The following IGLON5 variants were observed in gnomAD, a reference collection of about 807,000 sequenced individuals.
IGLON5 encodes Ig-like domain-containing protein ENSP00000270642.
A neutral mutation model predicts 38.2 loss-of-function variants in IGLON5; 16 were observed. The ratio of observed to expected loss-of-function variants is 0.42; its 90% CI spans 0.28 to 0.64. The LOEUF is 0.64. IGLON5 is among the 30% of genes least tolerant of loss of function. The pLI, the probability that IGLON5 is intolerant of heterozygous loss-of-function variation, is 0.23. For missense variants in IGLON5, 366 were observed against 483.4 expected, an observed-to-expected ratio of 0.76 and a Z score of 2.28; for synonymous variants, 207 against 216.4, an observed-to-expected ratio of 0.96 and a Z score of 0.38.
At chr19:51,311,969 G>T (rs1486086570) in intron 1 of IGLON5, 43 bp downstream of exon 1, 1 of 1,117,188 alleles carries the variant, frequency 9.0e-7, no homozygotes, top group South Asian at 2.6e-5. Context: ...GGGACGCCAG[G>T]GTCTTGGGTG....
At position 51,323,723 on chromosome 19, in the gene IGLON5, GC is replaced by G; in HGVS notation, c.222del (p.Gly75AlafsTer62). ...AWLNRSNILY[A>X]GNDRWTSDPR... ...GCTGAACCGCTCCAACATCCTGTAT[GC>G]CGGCAATGACCGCTGGACCAGCGAC... is the stretch of plus-strand genomic sequence containing the variant. On this transcript the variant is annotated frameshift_variant, in exon 3 of 8. Transcript: ENST00000270642. LOFTEE classifies it high-confidence loss of function. The G allele has an allele frequency of 1.9e-6, 3 of 1,613,976 alleles. No homozygotes were observed. The highest frequency in any genetic ancestry group is 2.5e-6 in the Non-Finnish European group (3 of 1,179,882).
Position 51,325,230 on chromosome 19 carries a change from T to A in IGLON5, c.392-116T>A. 6.9e-7 allele frequency: 1 copy of A among 1,446,686 alleles called. No homozygotes were observed. The allele number at this position is 1,446,686 out of a possible 1,614,324, so 89.6% of individuals were successfully genotyped here. On this transcript the variant is annotated intron_variant, in intron 3 of 7. Coordinates refer to ENST00000270642, the MANE Select transcript of IGLON5 (RefSeq NM_001101372.3). This position sits in a 1 kb window ranked among gnomAD's most constrained non-coding sequence, Gnocchi z 5.5. ...GGGAGGAGGGGCTGGGGGTCTGAAC[T>A]CCTGGGTCTGAGGGAGGAGGAGGGG...
intron 4 of IGLON5, 38 bp from the exon 5 acceptor site, chr19:51,326,726 T>G (rs909655942): frequency 3.3e-6 from 5 of 1,509,528 alleles, no homozygotes; most frequent in Non-Finnish European, 4.5e-6. Flanking sequence ...TAAGTGTTTG[T>G]GTCCGGCCCC....
chr19:51,322,538 C>G (rs1388755086), intron 2 of IGLON5, among the ~76,000 whole-genome samples: 5 of 151,770 alleles, frequency 3.3e-5, no homozygotes. Context: ...CTCCACCTCT[C>G]CTCACCCTGG....
At chr19:51,312,439 G>T (rs888522361) in intron 1 of IGLON5, among the ~76,000 whole-genome samples, 8 of 152,228 alleles carry the variant, frequency 5.3e-5, no homozygotes, top group African/African-American at 1.9e-4. Context: ...CCTTCCCAGG[G>T]TCAGTAAGAG....
At chr19:51,314,995 C>A (rs528471078) in intron 1 of IGLON5, among the ~76,000 whole-genome samples, 9 of 152,104 alleles carry the variant, frequency 5.9e-5, no homozygotes, top group Admixed American at 2.0e-4. Context: ...ATTTTTTTCC[C>A]CCAAAATAGA....
Position 51,328,756 on chromosome 19 carries a change from G to A in IGLON5, c.1008G>A (p.Met336Ile), listed in dbSNP as rs368797791. The A allele has an allele frequency of 1.2e-4, 189 of 1,597,922 alleles. No individual in the cohort carries two copies. The African/African-American group carries it at 1.9e-3, about 16-fold the overall frequency. ...LSALGWLWWR[M>I] is the part of the protein sequence containing the mutation. ...CCCTGGGCTGGCTGTGGTGGAGAATGTAGGCGCAACCCAGTGGAGCTCACC... is the reference window on the plus strand; with the variant it reads ...CCCTGGGCTGGCTGTGGTGGAGAATATAGGCGCAACCCAGTGGAGCTCACC... Residue 336 changes from methionine to isoleucine, a missense_variant, in exon 8 of 8, where the codon ATG (methionine) becomes ATA (isoleucine). Transcript: ENST00000270642.
At chr19:51,314,066 T>G (rs1173195869) in intron 1 of IGLON5, among the ~76,000 whole-genome samples, 2 of 151,842 alleles carry the variant, frequency 1.3e-5, no homozygotes, top group Non-Finnish European at 2.9e-5. Flanking sequence ...ATCTCTTGTC[T>G]TCTTCTTCCT....
rs772335885 is a variant in IGLON5, at chr19:51,330,480, G to A, written c.*1721G>A. The A allele has an allele frequency of 3.3e-5, 5 of 152,232 alleles. No homozygotes were observed. Among genetic ancestry groups the A allele is most frequent in the Admixed American group, 2.0e-4 (3 of 15,276 alleles). The allele number at this position is 152,232 out of a possible 1,614,324, so 9.4% of individuals were successfully genotyped here. The stretch of plus-strand genomic sequence containing the variant: ...ACTTTCTCACTGGTAGACTTGGAAT[G>A]GACTCATTACAGAGATGCCCTGTGA... On this transcript the variant is annotated 3_prime_UTR_variant, in exon 8 of 8. Transcript: ENST00000270642.
At position 51,324,485 on chromosome 19, in the gene IGLON5, G is replaced by A. The variant is rs369634959; in HGVS notation, c.391+591G>A. Among the ~76,000 whole-genome samples, 137 of 152,212 alleles carry A rather than the reference G, an allele frequency of 9.0e-4. No homozygotes were observed. Among genetic ancestry groups the A allele is most frequent in the African/African-American group, 3.1e-3 (128 of 41,522 alleles). ...AAATGGTGGAGGGTAGGGAGCACCT[G>A]GAGAGACAGGACCTGGAGACAGAGA... On this transcript the variant is annotated intron_variant, in intron 3 of 7. Coordinates refer to ENST00000270642, the MANE Select transcript of IGLON5 (RefSeq NM_001101372.3). This position sits in a 1 kb window ranked among gnomAD's most constrained non-coding sequence, Gnocchi z 4.2.
At chr19:51,322,441 C>G (rs544878189) in intron 2 of IGLON5, among the ~76,000 whole-genome samples, 1 of 147,408 alleles carries the variant, frequency 6.8e-6, no homozygotes, top group South Asian at 2.1e-4. Context: ...GAGAAGGGGA[C>G]AGAGATCCAG....
chr19:51,312,133 G>C (rs926787257), intron 1 of IGLON5, among the ~76,000 whole-genome samples: 2 of 152,108 alleles, frequency 1.3e-5, no homozygotes, highest in African/African-American at 4.8e-5. Context: ...CCCCGGGGCA[G>C]GGGTCGGCGT....
chr19:51,316,262 T>C (rs1984920789), intron 1 of IGLON5, among the ~76,000 whole-genome samples: 1 of 149,182 alleles, frequency 6.7e-6, no homozygotes, highest in Admixed American at 6.6e-5. Context: ...GGAGAATCGC[T>C]TGAGCCTGGG....
Position 51,325,504 on chromosome 19 carries a change from C to G in IGLON5, c.511+39C>G, listed in dbSNP as rs1599827613. 6.4e-7 allele frequency: 1 copy of G among 1,568,794 alleles called. No individual in the cohort carries two copies. The highest frequency in any genetic ancestry group is 1.9e-5 in the Admixed American group (1 of 53,538). ...CCCAGGTCAAAAGCCCCGTCCCCCA[C>G]TGCGCAGTCTGGGCCCCTCCATTCC... On this transcript the variant is annotated intron_variant, in intron 4 of 7. Coordinates refer to ENST00000270642, the MANE Select transcript of IGLON5 (RefSeq NM_001101372.3). This position sits in a 1 kb window ranked among gnomAD's most constrained non-coding sequence, Gnocchi z 5.5.
chr19:51,314,710 G>GA (rs967416514), intron 1 of IGLON5, among the ~76,000 whole-genome samples: 1 of 152,060 alleles, frequency 6.6e-6, no homozygotes, highest in Non-Finnish European at 1.5e-5. Context: ...AGCTGTCTGG[G>GA]AAAAAAAGCT....
intron 2 of IGLON5, 139 bp from the exon 3 acceptor site, chr19:51,323,523 G>A: frequency 1.5e-6 from 1 of 680,728 alleles, no homozygotes; most frequent in Non-Finnish European, 2.5e-6. Flanking sequence ...GCTGTATGGT[G>A]GGCACAGCAG....
chr19:51,323,220 C>G (rs1047829963), intron 2 of IGLON5, among the ~76,000 whole-genome samples: 7 of 146,450 alleles, frequency 4.8e-5, no homozygotes, highest in African/African-American at 1.8e-4. Flanking sequence ...GGGTCTCTGT[C>G]CCCCTCTGTC....
At chr19:51,317,270 G>T (rs572968036) in intron 1 of IGLON5, among the ~76,000 whole-genome samples, 1 of 152,282 alleles carries the variant, frequency 6.6e-6, no homozygotes, top group East Asian at 1.9e-4. Flanking sequence ...CCACAGGCCG[G>T]TGCCTGCCAC....
Position 51,328,709 on chromosome 19 carries a change from G to C in IGLON5, c.961G>C (p.Gly321Arg), listed in dbSNP as rs184327297. 510 of 1,599,318 alleles carry C rather than the reference G, an allele frequency of 3.2e-4. 2 individuals carry two copies. The highest frequency in any genetic ancestry group is 2.7e-3 in the African/African-American group (202 of 74,676). Residue 321 changes from glycine to arginine, a missense_variant, in exon 8 of 8, where the codon GGG (glycine) becomes CGG (arginine). Coordinates refer to ENST00000270642, the MANE Select transcript of IGLON5 (RefSeq NM_001101372.3). ...GGAGAACTCAGCCCCGAGGCCCCCAGGGCTCCTGGCCCTCCTCTCCGCCCT... is the reference window on the plus strand; with the variant it reads ...GGAGAACTCAGCCCCGAGGCCCCCACGGCTCCTGGCCCTCCTCTCCGCCCT... ...SLENSAPRPP[G>R]LLALLSALGW... is the part of the protein sequence containing the mutation.
Sources: gnomAD v4.1 joint callset for allele counts (sites outside exome capture counted in the v4.1 genomes callset) on GRCh38, gnomAD v4.1.1 for gene constraint, Gnocchi (gnomAD v3.1) non-coding constraint, MANE v1.5 for transcripts, NCBI Gene and HGNC (gene_info 2026-07-23, HGNC 2026-07-21) for gene names.